The following MEIS2 variants were observed in gnomAD, a reference collection of about 807,000 sequenced individuals.
MEIS2 encodes Meis homeobox 2.
A neutral mutation model predicts 58.6 loss-of-function variants in MEIS2; 9 were observed. The observed-to-expected ratio is 0.15, with a 90% CI of 0.09 to 0.27. The LOEUF (loss-of-function observed/expected upper bound fraction) is 0.27, where lower values mean the gene tolerates loss of function less well. Ranked by LOEUF, MEIS2 falls within the 10% of genes least tolerant of loss-of-function variation. The pLI is 1.00. For missense variants in MEIS2, 427 were observed against 635.0 expected, an observed-to-expected ratio of 0.67 and a Z score of 3.52; for synonymous variants, 221 against 228.4, an observed-to-expected ratio of 0.97 and a Z score of 0.29.
chr15:36,900,095 G>C (rs923754862), intron 9 of MEIS2, among the ~76,000 whole-genome samples: 1 of 152,110 alleles, frequency 6.6e-6, no homozygotes. Context: ...GAATGATTTC[G>C]AAGTTGCAGG....
At chr15:36,981,495 A>G (rs566476926) in intron 8 of MEIS2, among the ~76,000 whole-genome samples, 1 of 152,198 alleles carries the variant, frequency 6.6e-6, no homozygotes, top group South Asian at 2.1e-4. Context: ...CCTTATTTAT[A>G]GGGAGACTAG....
chr15:37,010,938 CA>C (rs1474755233), intron 8 of MEIS2, among the ~76,000 whole-genome samples: 1 of 152,224 alleles, frequency 6.6e-6, no homozygotes, highest in African/African-American at 2.4e-5. Flanking sequence ...CAAACACCGT[CA>C]TTCTTATCAT....
chr15:36,893,416 T>C (rs2055991201), intron 11 of MEIS2, among the ~76,000 whole-genome samples: 1 of 152,198 alleles, frequency 6.6e-6, no homozygotes. Flanking sequence ...AGATCCGCAG[T>C]CCATTATTAA....
chr15:37,016,957 A>C (rs2061371010), intron 8 of MEIS2, among the ~76,000 whole-genome samples: 1 of 152,262 alleles, frequency 6.6e-6, no homozygotes, highest in Non-Finnish European at 1.5e-5. Flanking sequence ...ATAACCGGAA[A>C]GTATTCTCTG....
intron 8 of MEIS2, among the ~76,000 whole-genome samples, chr15:37,015,526 T>C (rs565137971): frequency 1.5e-4 from 22 of 151,032 alleles, no homozygotes; most frequent in Non-Finnish European, 2.5e-4. Context: ...CATGCCAGGA[T>C]GTTATCGAAA....
At chr15:37,067,502 C>T (rs1326922783) in intron 7 of MEIS2, among the ~76,000 whole-genome samples, 1 of 151,810 alleles carries the variant, frequency 6.6e-6, no homozygotes, top group African/African-American at 2.4e-5. Context: ...ATACCTCCAA[C>T]TGAATTGGGG....
chr15:36,932,494 G>C (rs887458031), intron 9 of MEIS2, among the ~76,000 whole-genome samples: 1 of 152,208 alleles, frequency 6.6e-6, no homozygotes, highest in Admixed American at 6.5e-5. Context: ...ATGAGGAATA[G>C]TGATTATGGT....
intron 8 of MEIS2, among the ~76,000 whole-genome samples, chr15:36,995,737 AAAAGAAAAG>A (rs1372135495): frequency 1.8e-4 from 4 of 21,762 alleles, no homozygotes; most frequent in South Asian, 6.0e-3. Flanking sequence ...AAAAACAAAG[AAAAGAAAAG>A]AAAGAAAGAA....
At chr15:36,981,354 C>T (rs1448340666) in intron 8 of MEIS2, among the ~76,000 whole-genome samples, 1 of 151,834 alleles carries the variant, frequency 6.6e-6, no homozygotes, top group East Asian at 1.9e-4. Context: ...GGCAATTATA[C>T]CATTTACTAG....
chr15:37,051,773 G>A (rs1439301519), intron 7 of MEIS2, among the ~76,000 whole-genome samples: 2 of 152,154 alleles, frequency 1.3e-5, no homozygotes, highest in East Asian at 1.9e-4. Context: ...GCAAAGTTCT[G>A]GATGATTTGG....
chr15:36,987,372 C>T (rs1249966400), intron 8 of MEIS2, among the ~76,000 whole-genome samples: 3 of 146,250 alleles, frequency 2.1e-5, no homozygotes, highest in Non-Finnish European at 4.4e-5. Flanking sequence ...TGTGCCTCTG[C>T]ACTCCAGTGT....
chr15:37,080,961 C>T (rs1892125779), intron 7 of MEIS2, among the ~76,000 whole-genome samples: 2 of 152,130 alleles, frequency 1.3e-5, no homozygotes, highest in Admixed American at 1.3e-4. Flanking sequence ...GATGAACTTT[C>T]ACCTGTGTAA....
At chr15:36,967,842 C>T (rs955025688) in intron 8 of MEIS2, among the ~76,000 whole-genome samples, 2 of 152,210 alleles carry the variant, frequency 1.3e-5, no homozygotes, top group African/African-American at 4.8e-5. Flanking sequence ...TATACCTCTC[C>T]TCCCCATGAA....
intron 8 of MEIS2, among the ~76,000 whole-genome samples, chr15:37,010,659 T>C (rs1455146316): frequency 2.6e-5 from 4 of 152,198 alleles, no homozygotes; most frequent in African/African-American, 9.7e-5. Context: ...GATTGCAGGT[T>C]TGAGCCACGG....
chr15:36,941,946 G>A (rs1402416013), intron 9 of MEIS2, among the ~76,000 whole-genome samples: 1 of 152,142 alleles, frequency 6.6e-6, no homozygotes, highest in Non-Finnish European at 1.5e-5. Context: ...CTTATCTAAA[G>A]GCTTTAAGGA....
chr15:36,962,902 G>A (rs973998952), intron 8 of MEIS2, among the ~76,000 whole-genome samples: 3 of 152,184 alleles, frequency 2.0e-5, no homozygotes, highest in Non-Finnish European at 4.4e-5. Flanking sequence ...GATACTATTT[G>A]TATGTATGTA....
rs548299541 is a variant in MEIS2 at position 36,954,917 on chromosome 15, C to T, written c.901-4517G>A. 6.6e-5 allele frequency among the ~76,000 whole-genome samples: 10 copies of T among 152,308 alleles called. No individual in the cohort carries two copies. In the South Asian group the frequency reaches 2.1e-3, roughly 32 times the overall value. The stretch of plus-strand genomic sequence containing the variant: ...TATTTTATAGAGTTAATCCAGGTGA[C>T]CTTCATTTTGATGATGCCACTCATT... On this transcript the variant is annotated intron_variant, in intron 8 of 11. Coordinates refer to ENST00000561208, the MANE Select transcript of MEIS2 (RefSeq NM_170675.5).
intron 8 of MEIS2, among the ~76,000 whole-genome samples, chr15:36,996,466 TG>T (rs1485776797): frequency 6.6e-6 from 1 of 152,216 alleles, no homozygotes; most frequent in Non-Finnish European, 1.5e-5. Context: ...TTGTTCTTAG[TG>T]GCAGATTTGA....
At chr15:36,967,836 C>A (rs1452171530) in intron 8 of MEIS2, among the ~76,000 whole-genome samples, 2 of 152,192 alleles carry the variant, frequency 1.3e-5, no homozygotes, top group Non-Finnish European at 2.9e-5. Context: ...TCCCTCTATA[C>A]CTCTCCTCCC....
Sources: allele counts gnomAD v4.1 joint callset (sites outside exome capture counted in the v4.1 genomes callset), GRCh38; gene constraint gnomAD v4.1.1; transcripts MANE v1.5; gene names NCBI Gene and HGNC (gene_info 2026-07-23, HGNC 2026-07-21).